Variants in CHUK observed in about 807,000 individuals in gnomAD.
CHUK encodes the protein inhibitor of nuclear factor kappa-B kinase subunit alpha.
CHUK carries 35 observed loss-of-function variants against 104.8 expected under a neutral mutation model. The ratio of observed to expected loss-of-function variants is 0.33; its 90% confidence interval spans 0.26 to 0.44. CHUK has a LOEUF of 0.44. Among genes scored for constraint, CHUK ranks in the 20% least tolerant of loss-of-function variants. The pLI, the probability that CHUK is intolerant of heterozygous loss-of-function variation, is 1.00. For synonymous variants in CHUK, 276 were observed against 291.9 expected (o/e 0.95, Z 0.56); for missense variants, 663 against 902.7 (o/e 0.73, Z 3.40).
intron 4 of CHUK, among the ~76,000 whole-genome samples, chr10:100,220,939 C>T (rs1322213239): frequency 6.6e-6 from 1 of 152,202 alleles, no homozygotes; most frequent in Non-Finnish European, 1.5e-5. Context: ...GGGAAAATCC[C>T]TGAAACTCTT....
At chr10:100,194,322 C>T in intron 17 of CHUK, 103 bp downstream of exon 17, 1 of 1,075,298 alleles carries the variant, frequency 9.3e-7, no homozygotes, top group Non-Finnish European at 1.4e-6. Flanking sequence ...CTTCAGAATT[C>T]TTCCTGGGTA....
intron 20 of CHUK, chr10:100,190,370 A>G (rs1023778409): frequency 5.3e-6 from 1 of 189,266 alleles, no homozygotes; most frequent in African/African-American, 2.4e-5. Context: ...TGACATTAAG[A>G]CTAAATGCAG....
chr10:100,204,980 A>G (rs1316876366), intron 12 of CHUK, 96 bp downstream of exon 12: 13 of 1,392,210 alleles, frequency 9.3e-6, no homozygotes, highest in South Asian at 4.7e-5. Flanking sequence ...GTATGTTACT[A>G]TTACATGCAA....
At chr10:100,193,921 C>G in intron 18 of CHUK, 63 bp downstream of exon 18, 1 of 1,465,796 alleles carries the variant, frequency 6.8e-7, no homozygotes, top group Non-Finnish European at 9.5e-7. Context: ...TGATAAAAAT[C>G]CCCTTTGCAA....
intron 8 of CHUK, 53 bp downstream of exon 8, chr10:100,218,665 C>G: frequency 8.6e-7 from 1 of 1,162,266 alleles, no homozygotes; most frequent in Non-Finnish European, 1.3e-6. Flanking sequence ...TCTCCTGCTC[C>G]TTTACAACTC....
At chr10:100,211,332 A>G (rs1403261009) in intron 9 of CHUK, among the ~76,000 whole-genome samples, 1 of 152,240 alleles carries the variant, frequency 6.6e-6, no homozygotes, top group East Asian at 1.9e-4. Flanking sequence ...TTTGAGTTAT[A>G]CAACTTGATG....
intron 19 of CHUK, chr10:100,192,478 C>G: frequency 2.4e-6 from 1 of 416,758 alleles, no homozygotes; most frequent in Non-Finnish European, 3.2e-6. Context: ...GCTTGCCTTC[C>G]TGCCATGTGC....
chr10:100,196,619 TC>T (rs2134210353), intron 16 of CHUK, among the ~76,000 whole-genome samples: 1 of 152,258 alleles, frequency 6.6e-6, no homozygotes, highest in South Asian at 2.1e-4. Context: ...CAGACTGGTC[TC>T]AAACTGTTGG....
At chr10:100,215,859 C>A (rs1373795731) in intron 9 of CHUK, among the ~76,000 whole-genome samples, 1 of 152,168 alleles carries the variant, frequency 6.6e-6, no homozygotes, top group African/African-American at 2.4e-5. Flanking sequence ...GCCTATAAAT[C>A]TCTCCCGCCC....
At chr10:100,218,231 C>T in intron 8 of CHUK, 101 bp from the exon 9 acceptor site, 2 of 1,023,326 alleles carry the variant, frequency 2.0e-6, no homozygotes, top group East Asian at 2.5e-5. Flanking sequence ...TTTTCTTTCC[C>T]ACATCACTTG....
chr10:100,211,750 T>G (rs1345078215), intron 9 of CHUK, among the ~76,000 whole-genome samples: 1 of 152,250 alleles, frequency 6.6e-6, no homozygotes, highest in Non-Finnish European at 1.5e-5. Context: ...ACATTTAGGC[T>G]ATTTCCAGAT....
In CHUK at chr10:100,218,839, A is replaced by T; in HGVS notation, c.690-14T>A. The T allele has an allele frequency of 6.3e-7, 1 of 1,592,030 alleles. No individual in the cohort carries two copies. The highest frequency in any genetic ancestry group is 8.6e-7 in the Non-Finnish European group (1 of 1,160,098). Reference sequence around the variant, plus strand: ...ATCTTCTCATGCCTATAAAATCAAAAGCTACCTCAGTTGACAAAGTGATTC... The same window carrying T: ...ATCTTCTCATGCCTATAAAATCAAATGCTACCTCAGTTGACAAAGTGATTC... On this transcript the variant is annotated splice_polypyrimidine_tract_variant and intron_variant, in intron 7 of 20. Transcript: ENST00000370397.
At chr10:100,190,196 A>AT (rs1184727765) in intron 20 of CHUK, 1 of 153,238 alleles carries the variant, frequency 6.5e-6, no homozygotes, top group Non-Finnish European at 1.4e-5. Flanking sequence ...CAATTTTTAT[A>AT]TTTTTTATAA....
rs373920735 is a variant in CHUK, at chr10:100,197,430, CA to C, written c.1729+2540del. On this transcript the variant is annotated intron_variant, in intron 16 of 20. Transcript: ENST00000370397. ...AGCTTCTGAGAATAGTCTAGATAAGCAGTTCTCAAACTTTTTGGTCTCAGGA... is the reference window on the plus strand; with the variant it reads ...AGCTTCTGAGAATAGTCTAGATAAGCGTTCTCAAACTTTTTGGTCTCAGGA... 2.9e-4 allele frequency among the ~76,000 whole-genome samples: 44 copies of C among 152,258 alleles called. No homozygotes were observed. In the East Asian group the frequency reaches 8.1e-3, roughly 28 times the overall value.
intron 10 of CHUK, among the ~76,000 whole-genome samples, chr10:100,208,966 A>G (rs1488957186): frequency 6.6e-6 from 1 of 152,122 alleles, no homozygotes; most frequent in Non-Finnish European, 1.5e-5. Context: ...CCAGGCCTCC[A>G]CAAACAAGTT....
chr10:100,229,583 T>C lies in CHUK; in HGVS notation c.-51A>G, dbSNP rs1249178259. 11 of 1,180,060 alleles carry C rather than the reference T, an allele frequency of 9.3e-6. No individual in the cohort carries two copies. The highest frequency in any genetic ancestry group is 1.3e-5 in the Non-Finnish European group (11 of 843,780). 73.1% of individuals were successfully genotyped at this position (1,180,060 alleles called of 1,614,324 possible). On this transcript the variant is annotated 5_prime_UTR_variant, in exon 1 of 21. Transcript: ENST00000370397. ...GTTCCACAGTTGTTCCAAGGCCGGTTCCGGGCCGCCGATGCTCGCGCGTCT... is the reference window on the plus strand; with the variant it reads ...GTTCCACAGTTGTTCCAAGGCCGGTCCCGGGCCGCCGATGCTCGCGCGTCT...
Position 100,225,961 on chromosome 10 carries a change from G to A in CHUK, c.162C>T (p.Asn54=), listed in dbSNP as rs1227745687. ...GGATTTCATGGCACCATCGTTCTCTGTTTTTGGTACTTAGCTCTAGGCGAC... is the reference window on the plus strand; with the variant it reads ...GGATTTCATGGCACCATCGTTCTCTATTTTTGGTACTTAGCTCTAGGCGAC... ...KSCRLELSTK[N]RERWCHEIQI... The change falls in exon 2 of 21, where the codon AAC becomes AAT. Residue 54 remains asparagine (N), a synonymous_variant. Transcript: ENST00000370397. The A allele has an allele frequency of 1.9e-6, 3 of 1,609,356 alleles. No homozygotes were observed. Among genetic ancestry groups the A allele is most frequent in the Admixed American group, 3.3e-5 (2 of 59,974 alleles).
chr10:100,219,056 C>G lies in CHUK; in HGVS notation c.641G>C (p.Cys214Ser). ...YWSFGTMVFE[C>S]IAGYRPFLHH... Reference sequence around the variant, plus strand: ...CAAAAAAGGCCTATATCCAGCAATACATTCAAATACCATGGTCCCAAAGCT... The same window carrying G: ...CAAAAAAGGCCTATATCCAGCAATAGATTCAAATACCATGGTCCCAAAGCT... Residue 214 changes from cysteine (C) to serine (S), a missense_variant, in exon 7 of 21, where the codon TGT (cysteine) becomes TCT (serine). Cys to Ser is a moderately radical substitution (Grantham distance 112). Around this residue, in one of 5 missense-constraint regions of CHUK, gnomAD observed 200 missense variants for 333.0 expected, o/e 0.60. Coordinates refer to ENST00000370397, the MANE Select transcript of CHUK (RefSeq NM_001278.5). 1 of 1,613,850 alleles carries G rather than the reference C, an allele frequency of 6.2e-7. No homozygotes were observed. The highest frequency in any genetic ancestry group is 8.5e-7 in the Non-Finnish European group (1 of 1,179,768).
intron 6 of CHUK, 36 bp downstream of exon 6, chr10:100,219,234 A>G: frequency 6.5e-7 from 1 of 1,541,892 alleles, no homozygotes. Flanking sequence ...AGAATCCTAT[A>G]CACACTTAAA....
Sources: allele counts gnomAD v4.1 joint callset (sites outside exome capture counted in the v4.1 genomes callset), GRCh38; gene constraint gnomAD v4.1.1; regional missense constraint gnomAD v4.1.1; transcripts MANE v1.5; gene names NCBI Gene and HGNC (gene_info 2026-07-23, HGNC 2026-07-21).